Variants in AKR1E2 observed in about 807,000 individuals in gnomAD.
AKR1E2 encodes aldo-keto reductase family 1 member E2.
In AKR1E2, 43 loss-of-function variants were observed where a neutral mutation model predicts 41.9. That is an observed-to-expected ratio of 1.03 (90% CI 0.80 to 1.32). The LOEUF (loss-of-function observed/expected upper bound fraction) is 1.32, where lower values mean the gene tolerates loss of function less well. AKR1E2 is among the 40% of genes most tolerant of loss of function. The pLI is 0.00. For synonymous variants in AKR1E2, 121 were observed against 138.9 expected, an observed-to-expected ratio of 0.87 and a Z score of 0.91; for missense variants, 423 against 396.5, an observed-to-expected ratio of 1.07 and a Z score of -0.57.
chr10:4,833,164 G>T (rs1330190856), intron 2 of AKR1E2, among the ~76,000 whole-genome samples, 186 bp from the exon 3 acceptor site: 1 of 152,184 alleles, frequency 6.6e-6, no homozygotes, highest in African/African-American at 2.4e-5. Context: ...GCCTCTCCCT[G>T]CAGGTGTCCT....
At position 4,841,858 on chromosome 10, in the gene AKR1E2, G is replaced by A. The variant is rs1833911714; in HGVS notation, c.753+1G>A. ...GGAGCACGGCAAGTCTCCTGCTCAGGTAGGGAGGGAGGGCTGTTCTGAGCC... is the reference window on the plus strand; with the variant it reads ...GGAGCACGGCAAGTCTCCTGCTCAGATAGGGAGGGAGGGCTGTTCTGAGCC... On this transcript the variant is annotated splice_donor_variant, in intron 7 of 9. Coordinates refer to ENST00000298375, the MANE Select transcript of AKR1E2 (RefSeq NM_001040177.3). LOFTEE classifies it high-confidence loss of function. 1 of 1,613,110 alleles carries A rather than the reference G, an allele frequency of 6.2e-7. No individual in the cohort carries two copies. Among genetic ancestry groups the A allele is most frequent in the Non-Finnish European group, 8.5e-7 (1 of 1,179,684 alleles).
chr10:4,826,467 T>G, intron 1 of AKR1E2, 104 bp downstream of exon 1: 1 of 1,068,360 alleles, frequency 9.4e-7, no homozygotes, highest in African/African-American at 1.6e-5. Context: ...TGCGGCGGCC[T>G]CCCCTCCGCC....
At chr10:4,861,519 C>T in the AKR1E2 span, among the ~76,000 whole-genome samples, 1 of 152,116 alleles carries the variant, frequency 6.6e-6, no homozygotes, top group East Asian at 1.9e-4. Flanking sequence ...TACAGTTGCA[C>T]CACCGCGCCC....
At chr10:4,845,182 G>A (rs1834232818) in intron 8 of AKR1E2, among the ~76,000 whole-genome samples, 1 of 152,180 alleles carries the variant, frequency 6.6e-6, no homozygotes, top group African/African-American at 2.4e-5. Flanking sequence ...CATTGCCCAG[G>A]GCCAGCAGGG....
At chr10:4,844,000 G>T (rs1435741348) in intron 8 of AKR1E2, among the ~76,000 whole-genome samples, 1 of 152,222 alleles carries the variant, frequency 6.6e-6, no homozygotes, top group Non-Finnish European at 1.5e-5. Flanking sequence ...GTAGTGGTTA[G>T]AATTGAGCAC....
the AKR1E2 span, among the ~76,000 whole-genome samples, chr10:4,869,087 T>G: frequency 1.3e-5 from 2 of 152,192 alleles, no homozygotes. Flanking sequence ...TCCTCTTTTG[T>G]TTTCTGAAGC....
In AKR1E2 at chr10:4,847,676, T is replaced by G. The variant is rs1834431867; in HGVS notation, c.*146T>G. 1 of 859,484 alleles carries G rather than the reference T, an allele frequency of 1.2e-6. No homozygotes were observed. Among genetic ancestry groups the G allele is most frequent in the East Asian group, 2.5e-5 (1 of 40,600 alleles). 53.2% of individuals were successfully genotyped at this position (859,484 alleles called of 1,614,324 possible). On this transcript the variant is annotated 3_prime_UTR_variant, in exon 10 of 10. Coordinates refer to ENST00000298375, the MANE Select transcript of AKR1E2 (RefSeq NM_001040177.3). Reference sequence around the variant, plus strand: ...AGAGGGGGATGTAAGAGCCACCTTCTCTGACAAATCTGGAGAATTGAGTGT... The same window carrying G: ...AGAGGGGGATGTAAGAGCCACCTTCGCTGACAAATCTGGAGAATTGAGTGT...
chr10:4,851,663 C>G (rs1207175597), downstream of AKR1E2, among the ~76,000 whole-genome samples: 1 of 152,154 alleles, frequency 6.6e-6, no homozygotes, highest in East Asian at 1.9e-4. Context: ...TTAACTGAAT[C>G]TTCACAGAAA....
At chr10:4,860,322 C>T in the AKR1E2 span, among the ~76,000 whole-genome samples, 5 of 152,198 alleles carry the variant, frequency 3.3e-5, no homozygotes, top group African/African-American at 7.2e-5. Flanking sequence ...TCTCTCTTCA[C>T]GGTGCCATTG....
intron 1 of AKR1E2, among the ~76,000 whole-genome samples, chr10:4,828,308 C>T (rs562036930): frequency 7.9e-5 from 12 of 152,182 alleles, no homozygotes; most frequent in Non-Finnish European, 1.8e-4. Flanking sequence ...ATGGCTGAAG[C>T]ACAAGAGAGC....
At chr10:4,835,608 C>T in intron 3 of AKR1E2, 67 bp from the exon 4 acceptor site, 1 of 1,544,770 alleles carries the variant, frequency 6.5e-7, no homozygotes, top group South Asian at 1.2e-5. Context: ...TGCAGGTCTC[C>T]TGACACATGG....
chr10:4,833,938 C>T lies in AKR1E2; in HGVS notation c.324+472C>T, dbSNP rs1564259936. ...TGGGTTGTGCTGGTAGTTGACTTTT[C>T]CACTTGGTTTTATTCTCTTAATTGC... On this transcript the variant is annotated intron_variant, in intron 3 of 9. Transcript: ENST00000298375. Among the ~76,000 whole-genome samples, 6 of 152,218 alleles carry T rather than the reference C, an allele frequency of 3.9e-5. No homozygotes were observed. The South Asian group carries it at 1.0e-3, about 26-fold the overall frequency.
chr10:4,837,712 C>G, intron 5 of AKR1E2, 131 bp downstream of exon 5: 2 of 1,386,074 alleles, frequency 1.4e-6, no homozygotes, highest in East Asian at 2.5e-5. Context: ...TGGCAGCACT[C>G]AGAATGGTGA....
At chr10:4,851,027 T>G (rs1834516701), downstream of AKR1E2, among the ~76,000 whole-genome samples, 1 of 152,184 alleles carries the variant, frequency 6.6e-6, no homozygotes, top group Admixed American at 6.5e-5. Context: ...TATTCCTTAG[T>G]TATAAAGATG....
At chr10:4,845,207 C>T (rs148441833) in intron 8 of AKR1E2, among the ~76,000 whole-genome samples, 5,297 of 152,096 alleles carry the variant, frequency 0.035, 146 homozygotes, top group East Asian at 0.11. Context: ...CCAGCCGCTC[C>T]GAGTGCCGGG....
At chr10:4,835,948 C>T (rs1833380107) in intron 4 of AKR1E2, 139 bp downstream of exon 4, 1 of 1,236,720 alleles carries the variant, frequency 8.1e-7, no homozygotes, top group Admixed American at 2.7e-5. Context: ...AAAAAGGAAT[C>T]AATACCCGAA....
intron 1 of AKR1E2, among the ~76,000 whole-genome samples, chr10:4,826,935 G>A (rs934497338): frequency 1.3e-5 from 2 of 152,088 alleles, no homozygotes; most frequent in Non-Finnish European, 2.9e-5. Flanking sequence ...AATCAGCTGG[G>A]CTTGGGGGTG....
At chr10:4,844,338 G>A (rs375151795) in intron 8 of AKR1E2, among the ~76,000 whole-genome samples, 8 of 152,252 alleles carry the variant, frequency 5.3e-5, no homozygotes, top group East Asian at 3.9e-4. Flanking sequence ...AGACCTTTGC[G>A]GTGAGTGTTA....
the AKR1E2 span, among the ~76,000 whole-genome samples, chr10:4,860,497 C>T: frequency 3.9e-5 from 6 of 152,154 alleles, no homozygotes; most frequent in African/African-American, 1.4e-4. Context: ...GTCTGATTCA[C>T]ACAAGGGGAA....
Sources: allele counts gnomAD v4.1 joint callset (sites outside exome capture counted in the v4.1 genomes callset), GRCh38; gene constraint gnomAD v4.1.1; transcripts MANE v1.5; gene names NCBI Gene and HGNC (gene_info 2026-07-23, HGNC 2026-07-21).